The following AFG2A variants were observed in gnomAD, a reference collection of about 807,000 sequenced individuals.
AFG2A encodes AAA ATPase AFG2A.
At chr4:123,017,618 G>A in the AFG2A span, among the ~76,000 whole-genome samples, 1 of 150,948 alleles carries the variant, frequency 6.6e-6, no homozygotes, top group Admixed American at 6.6e-5. Context: ...TTTTTTTCCT[G>A]CAATATGCAG....
the AFG2A span, among the ~76,000 whole-genome samples, chr4:123,197,337 G>A: frequency 6.6e-6 from 1 of 151,870 alleles, no homozygotes; most frequent in Non-Finnish European, 1.5e-5. Context: ...AATCATCCCC[G>A]GGTTAAGAGA....
At chr4:123,215,467 G>A in the AFG2A span, among the ~76,000 whole-genome samples, 1 of 152,048 alleles carries the variant, frequency 6.6e-6, no homozygotes, top group East Asian at 1.9e-4. Flanking sequence ...TAGATGTCAT[G>A]GTCCAGTCCC....
chr4:123,001,566 G>C, the AFG2A span, among the ~76,000 whole-genome samples: 2 of 151,564 alleles, frequency 1.3e-5, no homozygotes, highest in Admixed American at 6.6e-5. Context: ...TATGTACCCA[G>C]TAGTCATTCA....
chr4:123,169,671 G>T, the AFG2A span, among the ~76,000 whole-genome samples: 5 of 152,050 alleles, frequency 3.3e-5, no homozygotes, highest in South Asian at 2.1e-4. Context: ...AATAGAGACG[G>T]GGTTTCACCA....
chr4:123,233,719 A>ATGTGTG, the AFG2A span, among the ~76,000 whole-genome samples: 459 of 149,138 alleles, frequency 3.1e-3, 6 homozygotes, highest in African/African-American at 0.011. Flanking sequence ...ACATGGGTGT[A>ATGTGTG]TGTGTGTGTG....
the AFG2A span, among the ~76,000 whole-genome samples, chr4:123,142,248 G>A: frequency 6.6e-6 from 1 of 152,062 alleles, no homozygotes; most frequent in Non-Finnish European, 1.5e-5. Flanking sequence ...TCAAATGTAG[G>A]AATGAATGTA....
chr4:123,309,414 G>T, the AFG2A span, among the ~76,000 whole-genome samples: 3 of 152,014 alleles, frequency 2.0e-5, no homozygotes, highest in African/African-American at 4.8e-5. Context: ...CTTTTATAGG[G>T]GTACTAATTC....
chr4:123,137,909 T>G, the AFG2A span, among the ~76,000 whole-genome samples: 1 of 152,214 alleles, frequency 6.6e-6, no homozygotes, highest in Non-Finnish European at 1.5e-5. Context: ...AGAGTTAATA[T>G]TTTATCACTT....
the AFG2A span, among the ~76,000 whole-genome samples, chr4:123,196,962 T>TA: frequency 3.1e-4 from 47 of 152,334 alleles, no homozygotes; most frequent in Middle Eastern, 6.8e-3. Context: ...TCAAAGATGT[T>TA]ACCAGTATTA....
At chr4:123,124,529 C>T in the AFG2A span, among the ~76,000 whole-genome samples, 2 of 140,570 alleles carry the variant, frequency 1.4e-5, no homozygotes, top group South Asian at 2.2e-4. Flanking sequence ...AGGAGATATA[C>T]GTAATGTAAA....
the AFG2A span, among the ~76,000 whole-genome samples, chr4:123,054,544 C>G: frequency 9.9e-5 from 15 of 151,944 alleles, no homozygotes; most frequent in Non-Finnish European, 2.1e-4. Context: ...CAGTGAAACC[C>G]TGTCTCTACT....
At chr4:123,155,504 A>G in the AFG2A span, among the ~76,000 whole-genome samples, 974 of 152,128 alleles carry the variant, frequency 6.4e-3, 6 homozygotes, top group Middle Eastern at 0.031. Context: ...AGTATATGCA[A>G]TTGGCCTTGT....
the AFG2A span, among the ~76,000 whole-genome samples, chr4:123,237,759 G>A: frequency 4.0e-4 from 60 of 150,094 alleles, no homozygotes; most frequent in Non-Finnish European, 7.2e-4. Flanking sequence ...CAGCATGATC[G>A]ACACAGAAGT....
At chr4:122,989,497 G>T in the AFG2A span, among the ~76,000 whole-genome samples, 1 of 152,160 alleles carries the variant, frequency 6.6e-6, no homozygotes, top group African/African-American at 2.4e-5. Flanking sequence ...TGAAGGCTGA[G>T]TTCATGGATG....
At chr4:123,150,234 T>G in the AFG2A span, among the ~76,000 whole-genome samples, 1 of 152,140 alleles carries the variant, frequency 6.6e-6, no homozygotes, top group African/African-American at 2.4e-5. Context: ...ATGCCCTCTC[T>G]CACCACTCCT....
chr4:123,102,733 G>A, the AFG2A span, among the ~76,000 whole-genome samples: 1 of 151,280 alleles, frequency 6.6e-6, no homozygotes, highest in Admixed American at 6.6e-5. Flanking sequence ...GGGCAATTTG[G>A]TGGCTAATTT....
chr4:122,972,503 C>G, the AFG2A span, among the ~76,000 whole-genome samples: 1 of 146,226 alleles, frequency 6.8e-6, no homozygotes, highest in African/African-American at 2.5e-5. Flanking sequence ...TCTTCTTTTT[C>G]TAATTTCTTA....
the AFG2A span, among the ~76,000 whole-genome samples, chr4:123,168,079 C>G: frequency 6.6e-6 from 1 of 152,298 alleles, no homozygotes; most frequent in East Asian, 1.9e-4. Flanking sequence ...AGAGTAATAA[C>G]AGGCCTGCTG....
At chr4:123,261,802 C>T in the AFG2A span, among the ~76,000 whole-genome samples, 1,025 of 152,094 alleles carry the variant, frequency 6.7e-3, 4 homozygotes, top group Non-Finnish European at 0.011. Flanking sequence ...TTTTTAGAGA[C>T]AGGGTCTCAT....
Sources: gnomAD v4.1 joint callset for allele counts (sites outside exome capture counted in the v4.1 genomes callset) on GRCh38, gnomAD v4.1.1 for gene constraint, MANE v1.5 for transcripts, NCBI Gene and HGNC (gene_info 2026-07-23, HGNC 2026-07-21) for gene names.